Variants in PELI2 observed in about 807,000 individuals in gnomAD.
The protein encoded by PELI2 is pellino E3 ubiquitin protein ligase family member 2.
A neutral mutation model predicts 42.3 loss-of-function variants in PELI2; 23 were observed. The observed-to-expected ratio is 0.54, with a 90% CI of 0.39 to 0.77. PELI2 has a LOEUF of 0.77. Among genes scored for constraint, PELI2 ranks in the 30% least tolerant of loss-of-function variants. The pLI, the probability that PELI2 is intolerant of heterozygous loss-of-function variation, is 0.00. For synonymous variants in PELI2, 245 were observed against 212.2 expected (o/e 1.15, Z -1.34); for missense variants, 463 against 553.2 (o/e 0.84, Z 1.64).
At chr14:56,204,837 G>T (rs567280241) in intron 2 of PELI2, among the ~76,000 whole-genome samples, 1 of 151,800 alleles carries the variant, frequency 6.6e-6, no homozygotes, top group Admixed American at 6.6e-5. Context: ...CGAGACCATC[G>T]TGGCTAACAT....
chr14:56,280,909 A>C (rs543108769), intron 3 of PELI2, among the ~76,000 whole-genome samples: 30 of 152,298 alleles, frequency 2.0e-4, no homozygotes, highest in African/African-American at 6.5e-4. Flanking sequence ...CAAAACATAT[A>C]ATTCTCAGAA....
chr14:56,152,972 G>A (rs1884419247), intron 1 of PELI2, among the ~76,000 whole-genome samples: 1 of 152,116 alleles, frequency 6.6e-6, no homozygotes, highest in African/African-American at 2.4e-5. Flanking sequence ...GGTACTGTAT[G>A]TATACACACC....
At position 56,130,574 on chromosome 14, in the gene PELI2, A is replaced by T. The variant is rs575684845; in HGVS notation, c.77+11837A>T. On this transcript the variant is annotated intron_variant, in intron 1 of 5. Coordinates refer to ENST00000267460, the MANE Select transcript of PELI2 (RefSeq NM_021255.3). ...TTCCTTGGGTTTACAACTTATATTA[A>T]CTTTTTTGGGAAGTTGCCCACATAT... is the stretch of plus-strand genomic sequence containing the variant. Among the ~76,000 whole-genome samples the T allele has an allele frequency of 2.0e-3, 303 of 152,068 alleles. 1 individual carries two copies. The highest frequency in any genetic ancestry group is 7.2e-3 in the African/African-American group (298 of 41,514).
chr14:56,265,996 G>A (rs752807659), intron 2 of PELI2, among the ~76,000 whole-genome samples: 9 of 152,070 alleles, frequency 5.9e-5, no homozygotes, highest in South Asian at 2.1e-4. Context: ...ATAAGTGAAT[G>A]AACAAATTGT....
chr14:56,286,439 C>A (rs1889647524), intron 3 of PELI2, among the ~76,000 whole-genome samples: 2 of 152,248 alleles, frequency 1.3e-5, no homozygotes, highest in Admixed American at 1.3e-4. Flanking sequence ...CAGCTGACAT[C>A]CAGGCAAACC....
At chr14:56,199,226 T>C (rs190206508) in intron 2 of PELI2, among the ~76,000 whole-genome samples, 3 of 152,358 alleles carry the variant, frequency 2.0e-5, no homozygotes, top group South Asian at 2.1e-4. Flanking sequence ...GTGATGCTTC[T>C]GGGTTGTCCT....
chr14:56,235,690 G>A (rs192169860), intron 2 of PELI2, among the ~76,000 whole-genome samples: 1 of 152,212 alleles, frequency 6.6e-6, no homozygotes, highest in East Asian at 1.9e-4. Context: ...TGGCAAATCC[G>A]TATCTTTCAA....
At chr14:56,151,858 A>T (rs758821644) in intron 1 of PELI2, among the ~76,000 whole-genome samples, 1 of 152,242 alleles carries the variant, frequency 6.6e-6, no homozygotes, top group African/African-American at 2.4e-5. Flanking sequence ...TGCTCTTAAC[A>T]AAGATACCCC....
At chr14:56,251,378 T>C (rs1888337949) in intron 2 of PELI2, among the ~76,000 whole-genome samples, 1 of 152,356 alleles carries the variant, frequency 6.6e-6, no homozygotes, top group East Asian at 1.9e-4. Context: ...ATTTTATCCC[T>C]GCAACAATCC....
At position 56,290,443 on chromosome 14, in the gene PELI2, A is replaced by C; in HGVS notation, c.683A>C (p.Gln228Pro). ...TTGCGAGAAACCAGGTCGGCCCAGCAACGAGGAAAGCTGGTGAGTGTGCTT... is the reference window on the plus strand; with the variant it reads ...TTGCGAGAAACCAGGTCGGCCCAGCCACGAGGAAAGCTGGTGAGTGTGCTT... ...YTLRETRSAQ[Q>P]RGKLVESETN... The change falls in exon 5 of 6, where the codon CAA becomes CCA. Residue 228 changes from glutamine (Q) to proline (P), a missense_variant. Physicochemically the swap from Gln to Pro is moderately conservative, Grantham distance 76 (BLOSUM62 -1). Coordinates refer to ENST00000267460, the MANE Select transcript of PELI2 (RefSeq NM_021255.3). 6.2e-7 allele frequency: 1 copy of C among 1,602,114 alleles called. No homozygotes were observed. The highest frequency in any genetic ancestry group is 8.5e-7 in the Non-Finnish European group (1 of 1,172,144).
At chr14:56,266,548 A>G in intron 2 of PELI2, among the ~76,000 whole-genome samples, 1 of 152,090 alleles carries the variant, frequency 6.6e-6, no homozygotes, top group Admixed American at 6.6e-5. Flanking sequence ...CTCTTTTCAC[A>G]TATCAGAAGG....
intron 3 of PELI2, among the ~76,000 whole-genome samples, chr14:56,282,483 G>A (rs898676435): frequency 6.6e-6 from 1 of 152,076 alleles, no homozygotes; most frequent in Non-Finnish European, 1.5e-5. Flanking sequence ...AGACATGAAT[G>A]TAGCAGTTGC....
chr14:56,274,781 A>G (rs937119326), intron 2 of PELI2, among the ~76,000 whole-genome samples: 1 of 152,242 alleles, frequency 6.6e-6, no homozygotes, highest in Admixed American at 6.5e-5. Flanking sequence ...AGCTGAGAAG[A>G]AAATACTTGA....
At chr14:56,170,358 TC>T (rs1205196979) in intron 1 of PELI2, among the ~76,000 whole-genome samples, 11 of 152,184 alleles carry the variant, frequency 7.2e-5, no homozygotes, top group Non-Finnish European at 1.5e-4. Flanking sequence ...GCACCTAGCA[TC>T]CCCCTTCTTG....
At chr14:56,131,345 G>A (rs1361397337) in intron 1 of PELI2, among the ~76,000 whole-genome samples, 1 of 152,236 alleles carries the variant, frequency 6.6e-6, no homozygotes, top group Non-Finnish European at 1.5e-5. Context: ...GAGCAGTTAA[G>A]CCTTTTTGGT....
intron 1 of PELI2, among the ~76,000 whole-genome samples, chr14:56,136,366 T>A (rs558526456): frequency 3.3e-5 from 5 of 152,214 alleles, no homozygotes; most frequent in Admixed American, 6.5e-5. Flanking sequence ...GTGCTTATAA[T>A]TTAGAAGCAT....
chr14:56,195,239 A>C (rs992127847), intron 2 of PELI2, among the ~76,000 whole-genome samples: 4 of 152,210 alleles, frequency 2.6e-5, no homozygotes, highest in African/African-American at 9.6e-5. Flanking sequence ...CTTCAAAAGC[A>C]TGCTTCTGGA....
At chr14:56,241,602 G>C (rs1887977950) in intron 2 of PELI2, among the ~76,000 whole-genome samples, 1 of 152,124 alleles carries the variant, frequency 6.6e-6, no homozygotes, top group Admixed American at 6.5e-5. Context: ...TATATATTCT[G>C]TTGGAATTAC....
At chr14:56,211,066 A>G (rs959618893) in intron 2 of PELI2, among the ~76,000 whole-genome samples, 1 of 152,172 alleles carries the variant, frequency 6.6e-6, no homozygotes, top group African/African-American at 2.4e-5. Flanking sequence ...GCCATCCCAA[A>G]GCTGTTTTAG....
Sources: allele counts gnomAD v4.1 joint callset (sites outside exome capture counted in the v4.1 genomes callset), GRCh38; gene constraint gnomAD v4.1.1; transcripts MANE v1.5; gene names NCBI Gene and HGNC (gene_info 2026-07-23, HGNC 2026-07-21).